The following PLXDC2 variants were observed in gnomAD, a reference collection of about 807,000 sequenced individuals.
PLXDC2 encodes plexin domain containing 2, also known as plexin domain-containing protein 2.
Under a neutral mutation model 68.9 loss-of-function variants are expected in PLXDC2, and 40 were observed. The ratio of observed to expected loss-of-function variants is 0.58; its 90% CI spans 0.45 to 0.76. PLXDC2 has a LOEUF of 0.76. Among genes scored for constraint, PLXDC2 ranks in the 30% least tolerant of loss-of-function variants. The pLI is 0.00. For synonymous variants in PLXDC2, 243 were observed against 234.2 expected, an observed-to-expected ratio of 1.04 and a Z score of -0.34; for missense variants, 644 against 661.9, an observed-to-expected ratio of 0.97 and a Z score of 0.30.
At chr10:20,204,656 C>A (rs76572772) in intron 9 of PLXDC2, among the ~76,000 whole-genome samples, 351 of 152,224 alleles carry the variant, frequency 2.3e-3, no homozygotes, top group Non-Finnish European at 4.0e-3. Context: ...CATAGTTAAG[C>A]AAACTACAGT....
intron 1 of PLXDC2, among the ~76,000 whole-genome samples, chr10:19,837,385 TGAGAGA>T (rs149222127): frequency 2.2e-3 from 307 of 139,264 alleles, no homozygotes; most frequent in African/African-American, 7.2e-3. Flanking sequence ...ATTGAGTAAG[TGAGAGA>T]GAGAGAGAGA....
chr10:20,198,616 T>C (rs1427575492), intron 9 of PLXDC2, among the ~76,000 whole-genome samples: 1 of 152,144 alleles, frequency 6.6e-6, no homozygotes, highest in Non-Finnish European at 1.5e-5. Context: ...CTTTGGGTTA[T>C]AGCTGACTTT....
intron 3 of PLXDC2, among the ~76,000 whole-genome samples, chr10:20,050,648 A>G (rs1024797742): frequency 1.3e-5 from 2 of 152,154 alleles, no homozygotes; most frequent in African/African-American, 4.8e-5. Context: ...ACAAAACCCC[A>G]ATGAGATATC....
chr10:20,051,510 A>G (rs927359130), intron 3 of PLXDC2, among the ~76,000 whole-genome samples: 9 of 149,360 alleles, frequency 6.0e-5, no homozygotes, highest in Non-Finnish European at 1.2e-4. Context: ...ATTGTTAATG[A>G]CAGTGGAGGT....
intron 9 of PLXDC2, among the ~76,000 whole-genome samples, chr10:20,210,169 A>G (rs1054720076): frequency 1.3e-5 from 2 of 152,160 alleles, no homozygotes; most frequent in Admixed American, 1.3e-4. Flanking sequence ...CAAACCCTAT[A>G]TATACTATGT....
At chr10:20,232,529 G>T (rs1481700645) in intron 12 of PLXDC2, among the ~76,000 whole-genome samples, 1 of 152,012 alleles carries the variant, frequency 6.6e-6, no homozygotes, top group African/African-American at 2.4e-5. Flanking sequence ...TTACACAAGG[G>T]GTTACTACTC....
At chr10:20,262,657 C>T (rs1461927466) in intron 13 of PLXDC2, among the ~76,000 whole-genome samples, 3 of 152,212 alleles carry the variant, frequency 2.0e-5, no homozygotes, top group African/African-American at 7.2e-5. Flanking sequence ...CCCGTACCTC[C>T]CCCCGGGTGG....
chr10:19,924,786 T>C (rs1379651931), intron 1 of PLXDC2, among the ~76,000 whole-genome samples: 9 of 152,214 alleles, frequency 5.9e-5, no homozygotes, highest in Admixed American at 5.9e-4. Flanking sequence ...ATGGTGCAGT[T>C]TCCACATTTA....
chr10:20,174,018 C>T (rs776472989), intron 7 of PLXDC2, among the ~76,000 whole-genome samples: 8 of 152,136 alleles, frequency 5.3e-5, no homozygotes, highest in Non-Finnish European at 1.0e-4. Flanking sequence ...TTACTCCATA[C>T]GCACGATCAA....
chr10:20,077,465 A>G (rs1393917901), intron 4 of PLXDC2, among the ~76,000 whole-genome samples: 1 of 152,194 alleles, frequency 6.6e-6, no homozygotes, highest in Non-Finnish European at 1.5e-5. Context: ...ATAGATCTAA[A>G]TATTTTGTTG....
intron 6 of PLXDC2, among the ~76,000 whole-genome samples, chr10:20,155,881 T>A: frequency 6.6e-6 from 1 of 152,218 alleles, no homozygotes; most frequent in Middle Eastern, 3.4e-3. Context: ...TTATTTTATG[T>A]ATTATTATTA....
intron 1 of PLXDC2, among the ~76,000 whole-genome samples, chr10:19,937,176 T>G (rs547113376): frequency 2.6e-5 from 4 of 152,290 alleles, no homozygotes; most frequent in South Asian, 2.1e-4. Flanking sequence ...ATTATGTTTT[T>G]CAAAGTGTTA....
Position 20,243,747 on chromosome 10 carries a change from G to A in PLXDC2, c.1313-1598G>A, listed in dbSNP as rs564871326. Reference sequence around the variant, plus strand: ...CATAGAGGCAAATGGTAAAAATAACGAAGAGGTAAATTGGTCATGAAATTA... The same window carrying A: ...CATAGAGGCAAATGGTAAAAATAACAAAGAGGTAAATTGGTCATGAAATTA... On this transcript the variant is annotated intron_variant, in intron 12 of 13. Coordinates refer to ENST00000377252, the MANE Select transcript of PLXDC2 (RefSeq NM_032812.9). 7.2e-5 allele frequency among the ~76,000 whole-genome samples: 11 copies of A among 152,186 alleles called. 2 individuals carry two copies. The South Asian group carries it at 2.3e-3, about 32-fold the overall frequency.
intron 12 of PLXDC2, among the ~76,000 whole-genome samples, chr10:20,219,373 G>A (rs1168868247): frequency 1.3e-5 from 2 of 152,144 alleles, no homozygotes; most frequent in Non-Finnish European, 2.9e-5. Flanking sequence ...TGTTGGTCTA[G>A]TCTTTGTTGT....
intron 12 of PLXDC2, among the ~76,000 whole-genome samples, chr10:20,225,391 C>G (rs1021371287): frequency 1.3e-5 from 2 of 151,926 alleles, no homozygotes; most frequent in Admixed American, 1.3e-4. Flanking sequence ...TTGTACACTT[C>G]TTTTGTGTAG....
At chr10:19,858,007 A>T (rs985383709) in intron 1 of PLXDC2, among the ~76,000 whole-genome samples, 1 of 152,206 alleles carries the variant, frequency 6.6e-6, no homozygotes, top group Non-Finnish European at 1.5e-5. Flanking sequence ...TCTTGAAATT[A>T]TAAATGACTT....
chr10:20,088,286 T>C (rs1221060343), intron 4 of PLXDC2, among the ~76,000 whole-genome samples: 1 of 152,216 alleles, frequency 6.6e-6, no homozygotes. Flanking sequence ...GTTTCCAGTA[T>C]GTATTAAATA....
intron 13 of PLXDC2, among the ~76,000 whole-genome samples, chr10:20,254,089 C>T (rs908225455): frequency 1.2e-4 from 18 of 152,270 alleles, no homozygotes; most frequent in African/African-American, 4.3e-4. Context: ...CTCACCCCGG[C>T]CCTATAGCCT....
intron 2 of PLXDC2, among the ~76,000 whole-genome samples, chr10:20,038,587 A>C (rs913833672): frequency 1.3e-5 from 2 of 152,200 alleles, no homozygotes; most frequent in Non-Finnish European, 2.9e-5. Flanking sequence ...ATTCAAAGCT[A>C]ATATGTGATT....
Sources: allele counts gnomAD v4.1 joint callset (sites outside exome capture counted in the v4.1 genomes callset), GRCh38; gene constraint gnomAD v4.1.1; transcripts MANE v1.5; gene names NCBI Gene and HGNC (gene_info 2026-07-23, HGNC 2026-07-21).